The following MECOM variants were observed in gnomAD, a reference collection of about 807,000 sequenced individuals.
The protein encoded by MECOM is MDS1 and EVI1 complex locus, also known as histone-lysine N-methyltransferase MECOM.
A neutral mutation model predicts 116.3 loss-of-function variants in MECOM; 13 were observed. That is an observed-to-expected ratio of 0.11 (90% CI 0.07 to 0.18). The LOEUF is 0.18. Among genes scored for constraint, MECOM ranks in the 10% least tolerant of loss-of-function variants. The probability of loss-of-function intolerance (pLI) is 1.00; values close to 1 mark genes in which losing one functional copy is unlikely to be tolerated. For missense variants in MECOM, 1,299 were observed against 1,509.0 expected (o/e 0.86, Z 2.31); for synonymous variants, 528 against 535.2 (o/e 0.99, Z 0.19).
At chr3:169,300,163 T>A (rs569676161) in intron 2 of MECOM, among the ~76,000 whole-genome samples, 52 of 152,332 alleles carry the variant, frequency 3.4e-4, no homozygotes, top group Non-Finnish European at 6.3e-4. Flanking sequence ...GCCCTCAGCC[T>A]ATTGCCATGA....
At chr3:169,142,001 T>C (rs1490253186) in intron 3 of MECOM, among the ~76,000 whole-genome samples, 1 of 152,002 alleles carries the variant, frequency 6.6e-6, no homozygotes, top group Non-Finnish European at 1.5e-5. Flanking sequence ...CATATTTTCT[T>C]TTGAAAACAA....
At chr3:169,242,941 G>A (rs1755075552) in intron 2 of MECOM, among the ~76,000 whole-genome samples, 1 of 150,578 alleles carries the variant, frequency 6.6e-6, no homozygotes, top group Non-Finnish European at 1.5e-5. Flanking sequence ...CCTTAAGAAT[G>A]GTGAAATTAA....
chr3:169,513,103 T>A (rs1354202792), intron 1 of MECOM, among the ~76,000 whole-genome samples: 3 of 152,240 alleles, frequency 2.0e-5, no homozygotes, highest in Admixed American at 6.5e-5. Flanking sequence ...GGGATGACAA[T>A]GAAATGCTGT....
intron 1 of MECOM, among the ~76,000 whole-genome samples, chr3:169,650,192 T>C (rs1219532062): frequency 6.6e-6 from 1 of 152,252 alleles, no homozygotes; most frequent in Non-Finnish European, 1.5e-5. Flanking sequence ...GTTTCCATTA[T>C]AAAAATTTTC....
At chr3:169,527,956 C>T (rs181539893) in intron 1 of MECOM, among the ~76,000 whole-genome samples, 7 of 152,264 alleles carry the variant, frequency 4.6e-5, no homozygotes, top group Admixed American at 4.6e-4. Context: ...CATACTTAGG[C>T]GTGTGCATGC....
At chr3:169,260,687 C>T (rs1757427171) in intron 2 of MECOM, among the ~76,000 whole-genome samples, 1 of 152,198 alleles carries the variant, frequency 6.6e-6, no homozygotes, top group Non-Finnish European at 1.5e-5. Flanking sequence ...TCTCCCTTCT[C>T]AGTTTCTGCA....
intron 2 of MECOM, among the ~76,000 whole-genome samples, chr3:169,290,532 T>G (rs1714331598): frequency 6.6e-6 from 1 of 152,166 alleles, no homozygotes; most frequent in South Asian, 2.1e-4. Flanking sequence ...TACATGATTA[T>G]GTACTTGGAC....
At chr3:169,615,777 C>T (rs1769920793) in intron 1 of MECOM, among the ~76,000 whole-genome samples, 1 of 152,110 alleles carries the variant, frequency 6.6e-6, no homozygotes, top group Non-Finnish European at 1.5e-5. Flanking sequence ...AGATGGTTAC[C>T]CTCACTCTAC....
chr3:169,446,227 T>C (rs903825652), intron 1 of MECOM, among the ~76,000 whole-genome samples: 1 of 152,146 alleles, frequency 6.6e-6, no homozygotes, highest in Non-Finnish European at 1.5e-5. Context: ...ACTCTCAACT[T>C]GAATTGTATC....
In MECOM at chr3:169,472,613, G is replaced by GAAAGGAAAGA. The variant is rs1749653469; in HGVS notation, c.38-91090_38-91089insTCTTTCCTTT. Reference sequence around the variant, plus strand: ...GAAAGGAAAGGAAAGGAAAGGAAAGGAAAGAAAAGAAAAGAAAAGAAAAGG... The same window carrying GAAAGGAAAGA: ...GAAAGGAAAGGAAAGGAAAGGAAAGGAAAGGAAAGAAAAGAAAAGAAAAGAAAAGAAAAGG... On this transcript the variant is annotated intron_variant, in intron 1 of 16. Coordinates refer to ENST00000651503, the MANE Select transcript of MECOM (RefSeq NM_004991.4). 3.8e-4 allele frequency among the ~76,000 whole-genome samples: 18 copies of GAAAGGAAAGA among 47,956 alleles called. 2 individuals carry two copies. Among genetic ancestry groups the GAAAGGAAAGA allele is most frequent in the African/African-American group, 6.8e-4 (5 of 7,362 alleles). The allele number at this position is 47,956 out of a possible 152,430, so 31.5% of individuals were successfully genotyped here.
chr3:169,212,633 A>AATATATATATAT lies in MECOM; in HGVS notation c.376-68802_376-68801insATATATATATAT, dbSNP rs780806279. Among the ~76,000 whole-genome samples the AATATATATATAT allele has an allele frequency of 5.8e-5, 5 of 85,504 alleles. 2 individuals carry two copies. Among genetic ancestry groups the AATATATATATAT allele is most frequent in the Non-Finnish European group, 1.2e-4 (5 of 42,240 alleles). The allele number at this position is 85,504 out of a possible 152,430, so 56.1% of individuals were successfully genotyped here. On this transcript the variant is annotated intron_variant, in intron 2 of 16. Transcript: ENST00000651503. ...ACATAGTCTTGGTCTTCTAGTCAGCAATGTATATATATATATATATATATA... is the reference window on the plus strand; with the variant it reads ...ACATAGTCTTGGTCTTCTAGTCAGCAATATATATATATATGTATATATATATATATATATATA...
intron 10 of MECOM, among the ~76,000 whole-genome samples, chr3:169,104,131 C>T (rs893707051): frequency 2.6e-5 from 4 of 152,148 alleles, no homozygotes; most frequent in African/African-American, 7.2e-5. Context: ...AAACATTCTC[C>T]ACAGATGCAA....
At chr3:169,499,613 A>AC (rs1553872661) in intron 1 of MECOM, among the ~76,000 whole-genome samples, 1 of 111,866 alleles carries the variant, frequency 8.9e-6, no homozygotes, top group African/African-American at 4.6e-5. Flanking sequence ...TACTTCGACC[A>AC]GGGGGAAAAA....
intron 2 of MECOM, chr3:169,149,779 C>A: frequency 2.3e-6 from 1 of 433,222 alleles, no homozygotes; most frequent in Non-Finnish European, 4.6e-6. Context: ...GAATTCATTG[C>A]ATCATCATTA....
intron 2 of MECOM, among the ~76,000 whole-genome samples, chr3:169,378,474 CAAGAAAGAGA>C (rs1731632439): frequency 7.3e-5 from 2 of 27,482 alleles, no homozygotes; most frequent in South Asian, 2.1e-3. Flanking sequence ...AGCAAGCAAG[CAAGAAAGAGA>C]GAGAGAAAGA....
At chr3:169,641,496 A>G (rs1314956411) in intron 1 of MECOM, among the ~76,000 whole-genome samples, 2 of 152,146 alleles carry the variant, frequency 1.3e-5, no homozygotes, top group East Asian at 3.8e-4. Context: ...ATCTGTGGCC[A>G]GTTTTTTATT....
intron 2 of MECOM, among the ~76,000 whole-genome samples, chr3:169,320,073 A>T (rs140378385): frequency 8.5e-5 from 13 of 152,316 alleles, no homozygotes; most frequent in African/African-American, 2.9e-4. Context: ...TAGATAAAGA[A>T]ATGGAGAAAT....
intron 1 of MECOM, among the ~76,000 whole-genome samples, chr3:169,607,577 T>C (rs1768749328): frequency 6.6e-6 from 1 of 152,224 alleles, no homozygotes; most frequent in African/African-American, 2.4e-5. Context: ...ATAGAAGGAC[T>C]CACGTGGAAT....
chr3:169,273,688 G>A (rs560953345), intron 2 of MECOM, among the ~76,000 whole-genome samples: 1 of 152,044 alleles, frequency 6.6e-6, no homozygotes, highest in Admixed American at 6.5e-5. Flanking sequence ...TGTTTACTGC[G>A]TCAACATTCT....
Sources: gnomAD v4.1 joint callset for allele counts (sites outside exome capture counted in the v4.1 genomes callset) on GRCh38, gnomAD v4.1.1 for gene constraint, MANE v1.5 for transcripts, NCBI Gene and HGNC (gene_info 2026-07-23, HGNC 2026-07-21) for gene names.